The following SSH1 variants were observed in gnomAD, a reference collection of about 807,000 sequenced individuals.
SSH1 encodes the protein slingshot protein phosphatase 1.
In SSH1, 43 loss-of-function variants were observed where a neutral mutation model predicts 79.7. The observed-to-expected ratio is 0.54, with a 90% CI of 0.42 to 0.70. The LOEUF is 0.70. Among genes scored for constraint, SSH1 ranks in the 30% least tolerant of loss-of-function variants. The pLI, the probability that SSH1 is intolerant of heterozygous loss-of-function variation, is 0.00. For synonymous variants in SSH1, 599 were observed against 538.3 expected, an observed-to-expected ratio of 1.11 and a Z score of -1.56; for missense variants, 1,206 against 1,358.8, an observed-to-expected ratio of 0.89 and a Z score of 1.77.
chr12:108,790,152 AG>A (rs1012728274), intron 14 of SSH1, among the ~76,000 whole-genome samples: 10 of 133,416 alleles, frequency 7.5e-5, no homozygotes, highest in South Asian at 2.7e-4. Context: ...CATGGCTTCC[AG>A]TTTTTTTTTT....
Position 108,807,660 on chromosome 12 carries a change from G to A in SSH1, c.704C>T (p.Pro235Leu). Residue 235 changes from proline to leucine, a missense_variant, in exon 8 of 15, where the codon CCC becomes CTC. Pro to Leu is a moderately conservative substitution (Grantham distance 98). Coordinates refer to ENST00000326495, the MANE Select transcript of SSH1 (RefSeq NM_018984.4). This position sits in a 1 kb window ranked among gnomAD's most constrained non-coding sequence, Gnocchi z 5.2. The part of the protein sequence containing the change: ...NAMQDLESTR[P>L]DSPALFVDKP... ...GTCCACAAATAGCGCGGGGGAGTCG[G>A]GCCGCGTAGACTCCAGGTCCTGCAT... 1 of 1,612,862 alleles carries A rather than the reference G, an allele frequency of 6.2e-7. No homozygotes were observed. Among genetic ancestry groups the A allele is most frequent in the Non-Finnish European group, 8.5e-7 (1 of 1,179,306 alleles).
chr12:108,829,056 G>A (rs956650308), intron 2 of SSH1, among the ~76,000 whole-genome samples: 3 of 152,206 alleles, frequency 2.0e-5, no homozygotes, highest in African/African-American at 7.2e-5. Context: ...AACTGGGGGT[G>A]ATGACTCATT....
intron 5 of SSH1, among the ~76,000 whole-genome samples, chr12:108,813,494 G>A (rs1323981614): frequency 1.3e-5 from 2 of 151,098 alleles, no homozygotes; most frequent in African/African-American, 4.9e-5. Flanking sequence ...CAAGAGGACT[G>A]CTTGAGCCCA....
intron 2 of SSH1, among the ~76,000 whole-genome samples, chr12:108,831,300 T>G (rs938099850): frequency 6.6e-6 from 1 of 152,178 alleles, no homozygotes; most frequent in Non-Finnish European, 1.5e-5. Context: ...ATGGTAATTC[T>G]AGGAGAAAAA....
intron 2 of SSH1, among the ~76,000 whole-genome samples, chr12:108,847,547 TC>T (rs2038925661): frequency 6.6e-6 from 1 of 152,116 alleles, no homozygotes; most frequent in South Asian, 2.1e-4. Context: ...CACTGCAACC[TC>T]CCGGGTTCAA....
rs753622095 is a variant in SSH1 at position 108,817,081 on chromosome 12, C to G, written c.358G>C (p.Glu120Gln). Residue 120 changes from glutamate (E) to glutamine (Q), a missense_variant, in exon 5 of 15, where the codon GAG becomes CAG. Physicochemically the swap from Glu to Gln is conservative, Grantham distance 29. Coordinates refer to ENST00000326495, the MANE Select transcript of SSH1 (RefSeq NM_018984.4). Reference sequence around the variant, plus strand: ...TCCACTCCCAGCAAGATATTCTCCTCGGTGTCCTGGCGCCCGCTGCTGTAC... The same window carrying G: ...TCCACTCCCAGCAAGATATTCTCCTGGGTGTCCTGGCGCCCGCTGCTGTAC... Reference protein sequence around the residue: ...VVYSSGRQDTEENILLGVDFS... With the variant: ...VVYSSGRQDTQENILLGVDFS... The G allele has an allele frequency of 6.2e-7, 1 of 1,614,196 alleles. No individual in the cohort carries two copies. The highest frequency in any genetic ancestry group is 8.5e-7 in the Non-Finnish European group (1 of 1,180,016).
chr12:108,802,473 A>T, intron 10 of SSH1, 105 bp from the exon 11 acceptor site: 4 of 1,006,094 alleles, frequency 4.0e-6, no homozygotes, highest in Non-Finnish European at 6.2e-6. Context: ...GTCTTATTTC[A>T]TGGCCCCATT....
chr12:108,807,581 A>G lies in SSH1; in HGVS notation c.731+52T>C. 6.3e-7 allele frequency: 1 copy of G among 1,580,526 alleles called. No homozygotes were observed. The highest frequency in any genetic ancestry group is 8.7e-7 in the Non-Finnish European group (1 of 1,152,496). Reference sequence around the variant, plus strand: ...GTCGGGCACAGGGCAGGTGGGGGAGAGGCAGGTGCCTGTGGGCTTGGGTGC... The same window carrying G: ...GTCGGGCACAGGGCAGGTGGGGGAGGGGCAGGTGCCTGTGGGCTTGGGTGC... On this transcript the variant is annotated intron_variant, in intron 8 of 14. Transcript: ENST00000326495. This position sits in a 1 kb window ranked among gnomAD's most constrained non-coding sequence, Gnocchi z 5.2.
intron 5 of SSH1, among the ~76,000 whole-genome samples, chr12:108,816,627 A>G (rs368276368): frequency 4.8e-4 from 73 of 152,206 alleles, no homozygotes; most frequent in African/African-American, 1.6e-3. Context: ...AGGCCCACCA[A>G]TCTCCATACT....
chr12:108,788,030 G>A lies in SSH1; in HGVS notation c.3108C>T (p.Ala1036=). 1.9e-6 allele frequency: 3 copies of A among 1,614,098 alleles called. No homozygotes were observed. The highest frequency in any genetic ancestry group is 2.5e-6 in the Non-Finnish European group (3 of 1,180,016). The part of the protein sequence containing the change: ...AATSKPSGKP[A]PENLKSPSWM... ...ACGAAGGGCTCTTTAAGTTTTCTGG[G>A]GCGGGTTTCCCTGATGGTTTGGAGG... The change falls in exon 15 of 15, where the codon GCC becomes GCT. Residue 1036 remains alanine, a synonymous_variant. Transcript: ENST00000326495.
intron 2 of SSH1, chr12:108,836,839 T>G: frequency 2.0e-6 from 1 of 507,010 alleles, no homozygotes; most frequent in Non-Finnish European, 4.2e-6. Context: ...TTGGGTGATG[T>G]TCCAGCCAAA....
Position 108,799,241 on chromosome 12 carries a change from A to G in SSH1, c.1149-41T>C, listed in dbSNP as rs781477759. ...CAGTTGGGGAGGAGAGATGGGGGAGAAGCAGTGGGGAAGGAGTTAAAAAGC... is the reference window on the plus strand; with the variant it reads ...CAGTTGGGGAGGAGAGATGGGGGAGGAGCAGTGGGGAAGGAGTTAAAAAGC... On this transcript the variant is annotated intron_variant, in intron 12 of 14. Coordinates refer to ENST00000326495, the MANE Select transcript of SSH1 (RefSeq NM_018984.4). 7.1e-6 allele frequency: 11 copies of G among 1,547,740 alleles called. No individual in the cohort carries two copies. In the Admixed American group the frequency reaches 1.1e-4, roughly 15 times the overall value.
intron 2 of SSH1, among the ~76,000 whole-genome samples, chr12:108,845,824 G>A (rs901184514): frequency 2.6e-5 from 4 of 152,234 alleles, no homozygotes; most frequent in African/African-American, 7.2e-5. Context: ...TGCACGGGGT[G>A]CATGACACCT....
chr12:108,828,193 C>A (rs1377914640), intron 2 of SSH1, among the ~76,000 whole-genome samples: 1 of 152,190 alleles, frequency 6.6e-6, no homozygotes, highest in Non-Finnish European at 1.5e-5. Flanking sequence ...ACTTCTGGAA[C>A]AATTCCTGAA....
intron 2 of SSH1, among the ~76,000 whole-genome samples, chr12:108,847,707 C>T (rs2038929552): frequency 6.6e-6 from 1 of 152,196 alleles, no homozygotes; most frequent in Non-Finnish European, 1.5e-5. Context: ...TCCGTCCCGC[C>T]TTGGCCTTCC....
rs2036351760 is a variant in SSH1 at position 108,788,311 on chromosome 12, T to C, written c.2827A>G (p.Ser943Gly). 1.2e-6 allele frequency: 2 copies of C among 1,613,406 alleles called. No homozygotes were observed. The highest frequency in any genetic ancestry group is 1.7e-6 in the Non-Finnish European group (2 of 1,179,918). ...ACCAGCCCGGGCTTCCCACGGACAC[T>C]GTGGATGCTATCGCTGCTGGAGCTC... is the stretch of plus-strand genomic sequence containing the variant. ...TRSSSSDSIHSVRGKPGLVKQ... is the reference protein window; with the variant it reads ...TRSSSSDSIHGVRGKPGLVKQ... Residue 943 changes from serine (S) to glycine (G), a missense_variant, in exon 15 of 15, where the codon AGT becomes GGT. By Grantham distance (56) the Ser-to-Gly change is moderately conservative (BLOSUM62 0). Coordinates refer to ENST00000326495, the MANE Select transcript of SSH1 (RefSeq NM_018984.4).
Position 108,781,102 on chromosome 12 carries a change from A to G in SSH1, c.*6886T>C, listed in dbSNP as rs1047116142. The G allele has an allele frequency of 2.0e-5, 3 of 151,748 alleles. No individual in the cohort carries two copies. Among genetic ancestry groups the G allele is most frequent in the Non-Finnish European group, 4.4e-5 (3 of 67,944 alleles). The allele number at this position is 151,748 out of a possible 1,614,324, so 9.4% of individuals were successfully genotyped here. ...AATATTCAATAAGCAATTCTTAACC[A>G]AAATTTGGCACCCCATAGAGATTTA... On this transcript the variant is annotated 3_prime_UTR_variant, in exon 15 of 15. Coordinates refer to ENST00000326495, the MANE Select transcript of SSH1 (RefSeq NM_018984.4).
chr12:108,816,285 C>G (rs999120618), intron 5 of SSH1, among the ~76,000 whole-genome samples: 2 of 152,216 alleles, frequency 1.3e-5, no homozygotes, highest in Non-Finnish European at 2.9e-5. Context: ...TCTTTGTTTA[C>G]CTGGGCCTAG....
chr12:108,825,037 CAAAAT>C (rs2038260738), intron 2 of SSH1, among the ~76,000 whole-genome samples: 1 of 152,022 alleles, frequency 6.6e-6, no homozygotes, highest in Non-Finnish European at 1.5e-5. Context: ...GTTTGATTCT[CAAAAT>C]AATATAAAAC....
Sources: allele counts gnomAD v4.1 joint callset (sites outside exome capture counted in the v4.1 genomes callset), GRCh38; gene constraint gnomAD v4.1.1; non-coding constraint Gnocchi (gnomAD v3.1); transcripts MANE v1.5; gene names NCBI Gene and HGNC (gene_info 2026-07-23, HGNC 2026-07-21).